Variants in DDO observed in about 807,000 individuals in gnomAD.
The protein encoded by DDO is D-aspartate oxidase, also known as D-aspartate oxidase, DDO.
A neutral mutation model predicts 16.8 loss-of-function variants in DDO; 16 were observed. That is an observed-to-expected ratio of 0.95 (90% CI 0.65 to 1.45). The LOEUF (loss-of-function observed/expected upper bound fraction) is 1.45. Among genes scored for constraint, DDO ranks in the 40% most tolerant of loss-of-function variants. DDO has a pLI of 0.00. For missense variants in DDO, 429 were observed against 420.3 expected (o/e 1.02, Z -0.18); for synonymous variants, 180 against 167.2 (o/e 1.08, Z -0.59).
intron 1 of DDO, among the ~76,000 whole-genome samples, chr6:110,413,679 G>A (rs1333790137): frequency 6.6e-6 from 1 of 152,198 alleles, no homozygotes; most frequent in African/African-American, 2.4e-5. Flanking sequence ...TGGGCTTTTA[G>A]AGAGTAACAC....
intron 3 of DDO, among the ~76,000 whole-genome samples, chr6:110,405,793 T>A (rs142579450): frequency 1.3e-5 from 2 of 151,988 alleles, no homozygotes; most frequent in Non-Finnish European, 2.9e-5. Flanking sequence ...GTCCCAGCTA[T>A]TGGGGAGACT....
rs561902758 is a variant in DDO, at chr6:110,392,587, C to T, written c.*188G>A. ...CAAACTCCTGGGCTCAACAATCCTC[C>T]TGCCTCAGCCTCTCAAGTAGCTGGG... On this transcript the variant is annotated 3_prime_UTR_variant, in exon 5 of 5. Transcript: ENST00000368924. The T allele has an allele frequency of 1.3e-5, 16 of 1,251,822 alleles. No individual in the cohort carries two copies. The East Asian group carries it at 2.1e-4, about 17-fold the overall frequency. 77.5% of individuals were successfully genotyped at this position (1,251,822 alleles called of 1,614,324 possible).
Position 110,415,440 on chromosome 6 carries a change from C to T in DDO, c.-5+27G>A, listed in dbSNP as rs747421010. Reference sequence around the variant, plus strand: ...TCCCAGAGCATGGACGGAACGACCCCTCAGCTGAAAGCAAGAATTCAAGTA... The same window carrying T: ...TCCCAGAGCATGGACGGAACGACCCTTCAGCTGAAAGCAAGAATTCAAGTA... On this transcript the variant is annotated intron_variant, in intron 1 of 4. Coordinates refer to ENST00000368924, the MANE Select transcript of DDO (RefSeq NM_001372108.2). The T allele has an allele frequency of 6.2e-6, 10 of 1,613,566 alleles. No homozygotes were observed. In the Admixed American group the frequency reaches 1.5e-4, roughly 24 times the overall value.
intron 4 of DDO, among the ~76,000 whole-genome samples, chr6:110,396,652 A>G (rs935820945): frequency 1.3e-5 from 2 of 152,170 alleles, no homozygotes; most frequent in Admixed American, 6.5e-5. Flanking sequence ...GATGTAATTA[A>G]AAGTAGTTAA....
At chr6:110,400,195 C>T (rs568570699) in intron 4 of DDO, among the ~76,000 whole-genome samples, 10 of 152,332 alleles carry the variant, frequency 6.6e-5, no homozygotes, top group Admixed American at 2.0e-4. Context: ...AACTACGGGG[C>T]CTGTCTTCTA....
At chr6:110,393,673 C>T (rs74757992) in intron 4 of DDO, among the ~76,000 whole-genome samples, 3,411 of 152,266 alleles carry the variant, frequency 0.022, 71 homozygotes, top group African/African-American at 0.054. Flanking sequence ...TTTTAAATGT[C>T]CAAGCATTTC....
At chr6:110,405,645 A>G (rs1773627346) in intron 3 of DDO, among the ~76,000 whole-genome samples, 2 of 152,304 alleles carry the variant, frequency 1.3e-5, no homozygotes, top group South Asian at 4.1e-4. Flanking sequence ...AATGCCAGGC[A>G]TGGTGGCTCA....
At chr6:110,404,286 T>C (rs1773574293) in intron 4 of DDO, among the ~76,000 whole-genome samples, 1 of 152,318 alleles carries the variant, frequency 6.6e-6, no homozygotes, top group African/African-American at 2.4e-5. Context: ...AGGTCCTTAG[T>C]TTCAGAGTTC....
chr6:110,394,067 A>C (rs569262163), intron 4 of DDO, among the ~76,000 whole-genome samples: 6 of 152,300 alleles, frequency 3.9e-5, no homozygotes, highest in African/African-American at 1.4e-4. Flanking sequence ...CTTGTTGTGC[A>C]ACCGCCATCA....
At chr6:110,399,521 C>G (rs1273914368) in intron 4 of DDO, among the ~76,000 whole-genome samples, 1 of 152,228 alleles carries the variant, frequency 6.6e-6, no homozygotes, top group South Asian at 2.1e-4. Flanking sequence ...GTGTCGCCCC[C>G]TCACCGGGAC....
intron 4 of DDO, 34 bp downstream of exon 4, chr6:110,404,740 A>G: frequency 6.2e-7 from 1 of 1,607,580 alleles, no homozygotes; most frequent in Non-Finnish European, 8.5e-7. Context: ...TGGCTATGAC[A>G]GATAAGGAAA....
At chr6:110,396,291 G>A (rs1159089751) in intron 4 of DDO, among the ~76,000 whole-genome samples, 3 of 152,296 alleles carry the variant, frequency 2.0e-5, no homozygotes, top group South Asian at 2.1e-4. Context: ...TATGTCCACC[G>A]AGCAGTTTCA....
At chr6:110,395,776 T>C (rs1773269401) in intron 4 of DDO, among the ~76,000 whole-genome samples, 2 of 152,214 alleles carry the variant, frequency 1.3e-5, no homozygotes, top group African/African-American at 4.8e-5. Flanking sequence ...CTCTTTGAAG[T>C]GATTCTAACT....
chr6:110,397,019 C>T (rs976419234), intron 4 of DDO, among the ~76,000 whole-genome samples: 4 of 152,128 alleles, frequency 2.6e-5, no homozygotes, highest in Admixed American at 2.0e-4. Flanking sequence ...TTAAAAAGAG[C>T]TTAGGAGGCC....
intron 4 of DDO, among the ~76,000 whole-genome samples, chr6:110,403,278 T>C: frequency 6.6e-6 from 1 of 152,210 alleles, no homozygotes; most frequent in East Asian, 1.9e-4. Flanking sequence ...TTTTATTTTA[T>C]TCTGGATTTT....
chr6:110,401,991 A>G (rs2114823089), intron 4 of DDO, among the ~76,000 whole-genome samples: 1 of 152,322 alleles, frequency 6.6e-6, no homozygotes, highest in African/African-American at 2.4e-5. Flanking sequence ...CATTACTTCT[A>G]TGCATTCTCA....
Position 110,392,574 on chromosome 6 carries a change from C to T in DDO, c.*201G>A. 8.0e-7 allele frequency: 1 copy of T among 1,246,018 alleles called. No homozygotes were observed. Among genetic ancestry groups the T allele is most frequent in the East Asian group, 3.1e-5 (1 of 32,016 alleles). The allele number at this position is 1,246,018 out of a possible 1,614,324, so 77.2% of individuals were successfully genotyped here. ...CCCAGATTGCACTCAAACTCCTGGGCTCAACAATCCTCCTGCCTCAGCCTC... is the reference window on the plus strand; with the variant it reads ...CCCAGATTGCACTCAAACTCCTGGGTTCAACAATCCTCCTGCCTCAGCCTC... On this transcript the variant is annotated 3_prime_UTR_variant, in exon 5 of 5. Transcript: ENST00000368924.
chr6:110,408,035 ACCT>A (rs746312488), intron 3 of DDO, among the ~76,000 whole-genome samples: 7 of 152,148 alleles, frequency 4.6e-5, no homozygotes, highest in Non-Finnish European at 7.3e-5. Flanking sequence ...TCCAGCATTT[ACCT>A]CCTGCGTGTT....
chr6:110,392,283 TC>T lies in DDO; in HGVS notation c.*491del. ...GCAATTGACAGTGATTTAAATGTTT[TC>T]CATACATTATCTCCTCCTGTGGATT... is the stretch of plus-strand genomic sequence containing the variant. On this transcript the variant is annotated 3_prime_UTR_variant, in exon 5 of 5. Coordinates refer to ENST00000368924, the MANE Select transcript of DDO (RefSeq NM_001372108.2). 1.0e-6 allele frequency: 1 copy of T among 985,648 alleles called. No individual in the cohort carries two copies. The highest frequency in any genetic ancestry group is 1.2e-6 in the Non-Finnish European group (1 of 830,078). 61.1% of individuals were successfully genotyped at this position (985,648 alleles called of 1,614,324 possible).
Sources: gnomAD v4.1 joint callset for allele counts (sites outside exome capture counted in the v4.1 genomes callset) on GRCh38, gnomAD v4.1.1 for gene constraint, MANE v1.5 for transcripts, NCBI Gene and HGNC (gene_info 2026-07-23, HGNC 2026-07-21) for gene names.